MARCHF1: variants seen among roughly 807,000 people sequenced by gnomAD.
MARCHF1 encodes the protein E3 ubiquitin-protein ligase MARCHF1.
Under a neutral mutation model 54.2 loss-of-function variants are expected in MARCHF1, and 40 were observed. The ratio of observed to expected loss-of-function variants is 0.74; its 90% CI spans 0.57 to 0.96. The LOEUF (loss-of-function observed/expected upper bound fraction) is 0.96. Ranked by LOEUF, MARCHF1 falls within the 40% of genes least tolerant of loss-of-function variation. The probability of loss-of-function intolerance (pLI) is 0.00; values close to 1 mark genes in which losing one functional copy is unlikely to be tolerated. For synonymous variants in MARCHF1, 236 were observed against 236.3 expected (o/e 1.00, Z 0.01); for missense variants, 586 against 656.5 (o/e 0.89, Z 1.17).
intron 3 of MARCHF1, among the ~76,000 whole-genome samples, chr4:163,965,832 A>G (rs1752432781): frequency 6.6e-6 from 1 of 152,070 alleles, no homozygotes; most frequent in Non-Finnish European, 1.5e-5. Context: ...AATGTGTAAC[A>G]CAGATCGTGA....
chr4:163,555,562 A>G (rs1405534571), intron 8 of MARCHF1, among the ~76,000 whole-genome samples: 4 of 152,184 alleles, frequency 2.6e-5, no homozygotes, highest in Non-Finnish European at 5.9e-5. Flanking sequence ...CTCGGAGGTT[A>G]TGGTGAAAGA....
intron 3 of MARCHF1, among the ~76,000 whole-genome samples, chr4:163,898,471 A>T (rs1172704676): frequency 6.6e-6 from 1 of 152,212 alleles, no homozygotes; most frequent in African/African-American, 2.4e-5. Context: ...TGAAAATTAA[A>T]ACCACAACGA....
intron 5 of MARCHF1, among the ~76,000 whole-genome samples, chr4:163,616,016 TGAA>T (rs1301915618): frequency 2.0e-5 from 3 of 151,986 alleles, no homozygotes; most frequent in Admixed American, 6.6e-5. Flanking sequence ...GATATCCATA[TGAA>T]GAAGAATGAA....
At chr4:163,915,193 A>T (rs1024008231) in intron 3 of MARCHF1, among the ~76,000 whole-genome samples, 25 of 152,308 alleles carry the variant, frequency 1.6e-4, no homozygotes, top group Middle Eastern at 3.4e-3. Flanking sequence ...AGGAAATTTT[A>T]AAAAATCTTA....
At chr4:163,812,071 G>A (rs928437513) in intron 4 of MARCHF1, among the ~76,000 whole-genome samples, 1 of 151,914 alleles carries the variant, frequency 6.6e-6, no homozygotes, top group Admixed American at 6.6e-5. Context: ...CTCAAATATT[G>A]ATCTTCTGTC....
intron 1 of MARCHF1, among the ~76,000 whole-genome samples, chr4:164,259,218 C>T (rs6837583): frequency 0.12 from 17,655 of 151,970 alleles, 1,612 homozygotes; most frequent in African/African-American, 0.25. Flanking sequence ...TCCATCAATA[C>T]GGTTATTCTG....
At chr4:164,141,984 T>G (rs1218545617) in intron 1 of MARCHF1, among the ~76,000 whole-genome samples, 5 of 135,358 alleles carry the variant, frequency 3.7e-5, no homozygotes, top group Non-Finnish European at 7.6e-5. Flanking sequence ...CGAGCCAAAG[T>G]AGGGCGAGGC....
At chr4:163,883,064 A>G (rs538313579) in intron 3 of MARCHF1, among the ~76,000 whole-genome samples, 1 of 152,282 alleles carries the variant, frequency 6.6e-6, no homozygotes, top group South Asian at 2.1e-4. Flanking sequence ...GGTTTGCAGA[A>G]AAAAGGCCCA....
chr4:163,841,646 T>C (rs747248287), intron 4 of MARCHF1, among the ~76,000 whole-genome samples: 41 of 152,136 alleles, frequency 2.7e-4, no homozygotes, highest in Non-Finnish European at 5.0e-4. Context: ...AGTTCTAGTT[T>C]GTCTAATTTC....
chr4:163,551,991 C>A (rs1368160039), intron 8 of MARCHF1, among the ~76,000 whole-genome samples: 2 of 152,158 alleles, frequency 1.3e-5, no homozygotes. Context: ...TAAGCATGTA[C>A]ATGAAGGCTT....
chr4:164,264,465 T>G (rs1442832885), intron 1 of MARCHF1, among the ~76,000 whole-genome samples: 3 of 151,130 alleles, frequency 2.0e-5, no homozygotes, highest in Non-Finnish European at 4.4e-5. Flanking sequence ...CAAATGCCCC[T>G]AAACTTAAAA....
chr4:164,242,785 G>A (rs915827828), intron 1 of MARCHF1, among the ~76,000 whole-genome samples: 2 of 152,130 alleles, frequency 1.3e-5, no homozygotes, highest in African/African-American at 4.8e-5. Context: ...GTGCTTAAAG[G>A]AGTTGATAGA....
At chr4:164,278,495 T>C (rs914913929) in intron 1 of MARCHF1, among the ~76,000 whole-genome samples, 2 of 152,194 alleles carry the variant, frequency 1.3e-5, no homozygotes, top group African/African-American at 2.4e-5. Flanking sequence ...ATTAATCAAA[T>C]ACTAAAGTAA....
intron 3 of MARCHF1, among the ~76,000 whole-genome samples, chr4:163,982,393 C>A (rs919068025): frequency 2.0e-5 from 3 of 152,176 alleles, no homozygotes; most frequent in Admixed American, 6.6e-5. Context: ...GTGCTCTCAG[C>A]GCAGGCTATT....
At chr4:163,801,083 C>T (rs1748069261) in intron 4 of MARCHF1, among the ~76,000 whole-genome samples, 1 of 152,054 alleles carries the variant, frequency 6.6e-6, no homozygotes, top group South Asian at 2.1e-4. Flanking sequence ...CTGTCTCTAA[C>T]TTTATTCTTT....
In MARCHF1 at chr4:163,811,434, C is replaced by T. The variant is rs374694719; in HGVS notation, c.111+42587G>A. ...CCTATAGTCCCAGCTACTTGGCAGGCTGAGAAGGGAGGATTGCTTGAACCC... is the reference window on the plus strand; with the variant it reads ...CCTATAGTCCCAGCTACTTGGCAGGTTGAGAAGGGAGGATTGCTTGAACCC... On this transcript the variant is annotated intron_variant, in intron 4 of 9. Transcript: ENST00000514618. Among the ~76,000 whole-genome samples the T allele has an allele frequency of 5.9e-5, 9 of 151,888 alleles. No homozygotes were observed. The East Asian group carries it at 1.5e-3, about 26-fold the overall frequency.
chr4:163,702,056 C>G (rs1744827100), intron 4 of MARCHF1, among the ~76,000 whole-genome samples: 1 of 152,198 alleles, frequency 6.6e-6, no homozygotes, highest in African/African-American at 2.4e-5. Flanking sequence ...TCACTGCAAA[C>G]TGTCACTGTG....
At chr4:164,250,639 AAATT>A (rs1227887748) in intron 1 of MARCHF1, among the ~76,000 whole-genome samples, 14 of 152,130 alleles carry the variant, frequency 9.2e-5, no homozygotes, top group Admixed American at 3.9e-4. Flanking sequence ...TTGATTAAAT[AAATT>A]ATTGATAATT....
rs1362895238 is a variant in MARCHF1, at chr4:163,636,392, CAA to C, written c.163-23001_163-23000del. ...TCCTTAAGCTGATAAGCAACTTCAGCAAAGTCTCAGGATACAAAATCAATGTG... is the reference window on the plus strand; with the variant it reads ...TCCTTAAGCTGATAAGCAACTTCAGCAGTCTCAGGATACAAAATCAATGTG... On this transcript the variant is annotated intron_variant, in intron 5 of 9. Coordinates refer to ENST00000514618, the MANE Select transcript of MARCHF1 (RefSeq NM_001394959.1). Among the ~76,000 whole-genome samples the C allele has an allele frequency of 3.3e-4, 48 of 144,322 alleles. 1 individual carries two copies. The highest frequency in any genetic ancestry group is 2.8e-3 in the Admixed American group (39 of 14,002). 94.7% of individuals were successfully genotyped at this position (144,322 alleles called of 152,430 possible). A position where few individuals can be genotyped will look rare whatever the true frequency, so the allele number is the denominator to read the frequency against.
Sources: gnomAD v4.1 joint callset for allele counts (sites outside exome capture counted in the v4.1 genomes callset) on GRCh38, gnomAD v4.1.1 for gene constraint, MANE v1.5 for transcripts, NCBI Gene and HGNC (gene_info 2026-07-23, HGNC 2026-07-21) for gene names.